DPP10: variants seen among roughly 807,000 people sequenced by gnomAD.
The protein encoded by DPP10 is dipeptidyl peptidase like 10, also known as inactive dipeptidyl peptidase 10.
In DPP10, 33 loss-of-function variants were observed where a neutral mutation model predicts 120.9. That is an observed-to-expected ratio of 0.27 (90% confidence interval 0.21 to 0.37). The LOEUF is 0.37. Ranked by LOEUF, DPP10 falls within the 10% of genes least tolerant of loss-of-function variation. DPP10 has a pLI of 1.00. For synonymous variants in DPP10, 337 were observed against 326.1 expected (o/e 1.03, Z -0.36); for missense variants, 816 against 942.8 (o/e 0.87, Z 1.76).
At chr2:114,978,556 A>T (rs975667575) in intron 1 of DPP10, among the ~76,000 whole-genome samples, 7 of 152,162 alleles carry the variant, frequency 4.6e-5, no homozygotes, top group African/African-American at 7.2e-5. Flanking sequence ...AACAGACAAG[A>T]CACTACTCTT....
At chr2:114,699,898 C>T (rs1217120002) in intron 1 of DPP10, among the ~76,000 whole-genome samples, 1 of 151,976 alleles carries the variant, frequency 6.6e-6, no homozygotes. Context: ...CTATTAGTTA[C>T]GATACTCTTA....
intron 1 of DPP10, among the ~76,000 whole-genome samples, chr2:114,816,723 A>G (rs1172507785): frequency 3.3e-5 from 5 of 152,244 alleles, no homozygotes; most frequent in Non-Finnish European, 7.3e-5. Context: ...TAGGTGCTCA[A>G]TAAATGATTT....
intron 1 of DPP10, among the ~76,000 whole-genome samples, chr2:115,256,791 T>C (rs6758309): frequency 3.9e-5 from 6 of 152,228 alleles, no homozygotes; most frequent in African/African-American, 1.4e-4. Flanking sequence ...TTTTACACTC[T>C]TCTTCCTTCT....
intron 1 of DPP10, among the ~76,000 whole-genome samples, chr2:115,276,564 C>T (rs2059929344): frequency 6.6e-6 from 1 of 152,150 alleles, no homozygotes; most frequent in Non-Finnish European, 1.5e-5. Context: ...GGACCTGGCA[C>T]ATTAGTGAGA....
intron 21 of DPP10, among the ~76,000 whole-genome samples, chr2:115,821,524 C>A: frequency 6.6e-6 from 1 of 151,912 alleles, no homozygotes; most frequent in Non-Finnish European, 1.5e-5. Context: ...ATGTTTTTAT[C>A]TTTTTGCCAA....
At chr2:114,863,186 C>A (rs1291741257) in intron 1 of DPP10, among the ~76,000 whole-genome samples, 1 of 152,196 alleles carries the variant, frequency 6.6e-6, no homozygotes, top group Non-Finnish European at 1.5e-5. Flanking sequence ...GTATTCCATG[C>A]CTTGATGGCT....
intron 1 of DPP10, among the ~76,000 whole-genome samples, chr2:114,764,346 GA>G (rs1231504953): frequency 2.0e-4 from 19 of 93,124 alleles, no homozygotes; most frequent in African/African-American, 3.2e-4. Flanking sequence ...GAGTTATTTT[GA>G]AAAAAAAAAG....
intron 3 of DPP10, among the ~76,000 whole-genome samples, chr2:115,346,906 G>T (rs565756682): frequency 1.8e-4 from 27 of 152,008 alleles, no homozygotes; most frequent in Non-Finnish European, 3.1e-4. Flanking sequence ...CTCTTTCATT[G>T]TTTGACTCTG....
At chr2:115,329,523 G>A (rs951219053) in intron 2 of DPP10, among the ~76,000 whole-genome samples, 2 of 151,970 alleles carry the variant, frequency 1.3e-5, no homozygotes, top group African/African-American at 4.8e-5. Flanking sequence ...TGCCATGTTG[G>A]TGTGCTGCAC....
chr2:114,656,591 C>T (rs560091082), intron 1 of DPP10, among the ~76,000 whole-genome samples: 3 of 152,156 alleles, frequency 2.0e-5, no homozygotes, highest in East Asian at 1.9e-4. Flanking sequence ...CTTACTTGTG[C>T]AATATTTATT....
At chr2:114,805,244 G>A (rs569686147) in intron 1 of DPP10, among the ~76,000 whole-genome samples, 3 of 152,266 alleles carry the variant, frequency 2.0e-5, no homozygotes, top group South Asian at 4.2e-4. Context: ...TTTATTGGCA[G>A]CATTAAAACA....
chr2:115,754,400 T>C (rs1679137713), intron 11 of DPP10, among the ~76,000 whole-genome samples: 1 of 152,102 alleles, frequency 6.6e-6, no homozygotes, highest in Admixed American at 6.6e-5. Context: ...TTGAAGCAAA[T>C]GAAGAATCTG....
intron 1 of DPP10, among the ~76,000 whole-genome samples, chr2:114,822,911 C>A (rs994946700): frequency 2.0e-5 from 3 of 152,214 alleles, no homozygotes; most frequent in African/African-American, 7.2e-5. Context: ...GTTCATATCT[C>A]TGTCAGCATT....
At position 114,810,767 on chromosome 2, in the gene DPP10, C is replaced by CCTCT. The variant is rs148513797; in HGVS notation, c.60+367929_60+367930insCTCT. 4.5e-3 allele frequency among the ~76,000 whole-genome samples: 688 copies of CCTCT among 152,284 alleles called. 5 individuals carry two copies. The highest frequency in any genetic ancestry group is 7.5e-3 in the Admixed American group (115 of 15,286). On this transcript the variant is annotated intron_variant, in intron 1 of 25. Transcript: ENST00000410059. ...AAAGTGCCTGGATAATGATGTAACA[C>CCTCT]AGAGAAGGGTCCTCACCTTGGGTTT...
chr2:114,751,629 G>A (rs748142968), intron 1 of DPP10, among the ~76,000 whole-genome samples: 84 of 152,196 alleles, frequency 5.5e-4, no homozygotes, highest in African/African-American at 1.8e-3. Flanking sequence ...GCACAATGGC[G>A]TTCACCAATG....
intron 5 of DPP10, among the ~76,000 whole-genome samples, chr2:115,531,359 T>C (rs182236075): frequency 1.2e-4 from 18 of 152,194 alleles, no homozygotes; most frequent in Admixed American, 1.2e-3. Flanking sequence ...ACCTGATTCC[T>C]TAAACTGCAA....
intron 3 of DPP10, among the ~76,000 whole-genome samples, chr2:115,496,551 C>CAA (rs1454540574): frequency 6.6e-6 from 1 of 152,134 alleles, no homozygotes; most frequent in Non-Finnish European, 1.5e-5. Context: ...ACCTATCACT[C>CAA]ATTTAAGATT....
At chr2:115,006,894 C>T (rs1574684577) in intron 1 of DPP10, among the ~76,000 whole-genome samples, 1 of 152,100 alleles carries the variant, frequency 6.6e-6, no homozygotes, top group East Asian at 1.9e-4. Context: ...GAACTCTCCA[C>T]CCCAAATCAA....
At chr2:115,464,015 T>C (rs1288483471) in intron 3 of DPP10, among the ~76,000 whole-genome samples, 1 of 152,176 alleles carries the variant, frequency 6.6e-6, no homozygotes, top group Non-Finnish European at 1.5e-5. Context: ...CTCTCTTGCC[T>C]ACCCAAGCTC....
Sources: allele counts gnomAD v4.1 joint callset (sites outside exome capture counted in the v4.1 genomes callset), GRCh38; gene constraint gnomAD v4.1.1; transcripts MANE v1.5; gene names NCBI Gene and HGNC (gene_info 2026-07-23, HGNC 2026-07-21).